The following NLGN4X variants were observed in gnomAD, a reference collection of about 807,000 sequenced individuals.
NLGN4X encodes the protein neuroligin 4 X-linked, also known as neuroligin-4, X-linked.
NLGN4X carries 3 observed loss-of-function variants against 40.3 expected under a neutral mutation model. The ratio of observed to expected loss-of-function variants is 0.07; its 90% CI spans 0.03 to 0.19. The LOEUF is 0.19. Ranked by LOEUF, NLGN4X falls within the 10% of genes least tolerant of loss-of-function variation. NLGN4X has a pLI of 1.00. For missense variants in NLGN4X, 382 were observed against 708.3 expected (o/e 0.54, Z 5.23); for synonymous variants, 270 against 306.8 (o/e 0.88, Z 1.25).
At position 6,058,701 on chromosome X, in the gene NLGN4X, A is replaced by T. The variant is rs2083674686; in HGVS notation, c.473-29269T>A. Among the ~76,000 whole-genome samples, 6 of 112,233 alleles carry T rather than the reference A, an allele frequency of 5.3e-5. No homozygotes were observed. The South Asian group carries it at 2.2e-3, about 41-fold the overall frequency. On this transcript the variant is annotated intron_variant, in intron 2 of 5. Transcript: ENST00000381095. ...CATTAGAGTTTTCCCTGGAATTAAAATCATTAAACATAATTTAAACTGACA... is the reference window on the plus strand; with the variant it reads ...CATTAGAGTTTTCCCTGGAATTAAATTCATTAAACATAATTTAAACTGACA...
At chrX:5,916,554 A>C (rs1052450110) in intron 3 of NLGN4X, among the ~76,000 whole-genome samples, 4 of 110,369 alleles carry the variant, frequency 3.6e-5, no homozygotes, top group African/African-American at 1.3e-4. Context: ...GATTCAAGCG[A>C]CTCTCCTGCC....
At chrX:6,035,692 T>C (rs150119049) in intron 2 of NLGN4X, among the ~76,000 whole-genome samples, 3,958 of 111,207 alleles carry the variant, frequency 0.036, 134 homozygotes, top group African/African-American at 0.11. Context: ...GATCCACTTA[T>C]ATGTGGATTT....
chrX:6,084,749 A>G (rs2038455757), intron 2 of NLGN4X, among the ~76,000 whole-genome samples: 2 of 110,664 alleles, frequency 1.8e-5, no homozygotes, highest in Non-Finnish European at 3.8e-5. Flanking sequence ...AATTATAAAA[A>G]GGGCTTGCAG....
chrX:6,114,923 A>G (rs755278566), intron 2 of NLGN4X, among the ~76,000 whole-genome samples: 1 of 112,305 alleles, frequency 8.9e-6, no homozygotes, highest in East Asian at 2.8e-4. Context: ...AAATCTACAA[A>G]AAATATATCC....
At chrX:5,956,709 G>T (rs1024095737) in intron 3 of NLGN4X, among the ~76,000 whole-genome samples, 5 of 111,671 alleles carry the variant, frequency 4.5e-5, no homozygotes, top group Middle Eastern at 4.2e-3. Flanking sequence ...CAGGGAGGCA[G>T]GAGGAGGGAA....
rs1433107711 is a variant in NLGN4X at position 5,890,690 on chromosome X, C to T, written c.*2127G>A. On this transcript the variant is annotated 3_prime_UTR_variant, in exon 6 of 6. Transcript: ENST00000381095. ...TCGGAATGAAATCTTACCATGACAC[C>T]TCTCTGTAGGAAAGAAATGTTGCTT... The T allele has an allele frequency of 9.4e-6, 3 of 318,777 alleles. No individual in the cohort carries two copies. Among genetic ancestry groups the T allele is most frequent in the African/African-American group, 8.1e-5 (3 of 37,240 alleles). 26.3% of individuals were successfully genotyped at this position (318,777 alleles called of 1,213,427 possible).
At chrX:6,137,073 T>C (rs6654814) in intron 2 of NLGN4X, among the ~76,000 whole-genome samples, 4,146 of 112,268 alleles carry the variant, frequency 0.037, 169 homozygotes, top group African/African-American at 0.12. Flanking sequence ...CAAGAACGCA[T>C]TGTCTCACTG....
chrX:5,960,247 A>G (rs1301513472), intron 3 of NLGN4X, among the ~76,000 whole-genome samples: 1 of 70,331 alleles, frequency 1.4e-5, no homozygotes. Flanking sequence ...AATTAATATG[A>G]TGCCAATTTT....
intron 3 of NLGN4X, among the ~76,000 whole-genome samples, chrX:6,003,194 A>G (rs953757889): frequency 8.9e-6 from 1 of 111,745 alleles, no homozygotes; most frequent in African/African-American, 3.3e-5. Context: ...GAACAAAGAC[A>G]GCACTTGTCT....
At chrX:5,925,022 A>C (rs1280593991) in intron 3 of NLGN4X, among the ~76,000 whole-genome samples, 1 of 111,555 alleles carries the variant, frequency 9.0e-6, no homozygotes, top group African/African-American at 3.3e-5. Flanking sequence ...AAAAAAATTT[A>C]AAGTCCCAAT....
intron 4 of NLGN4X, among the ~76,000 whole-genome samples, chrX:5,904,544 T>C (rs751784183): frequency 2.8e-4 from 31 of 112,416 alleles, no homozygotes; most frequent in Non-Finnish European, 4.9e-4. Context: ...AACTCAGAGA[T>C]GTGTATATTT....
chrX:6,111,561 A>AT (rs2039149508), intron 2 of NLGN4X, among the ~76,000 whole-genome samples: 1 of 111,303 alleles, frequency 9.0e-6, no homozygotes, highest in Non-Finnish European at 1.9e-5. Flanking sequence ...CAACGTAGTG[A>AT]GTCCTCATCG....
At chrX:6,166,032 A>C (rs957816901) in intron 1 of NLGN4X, among the ~76,000 whole-genome samples, 1 of 111,924 alleles carries the variant, frequency 8.9e-6, no homozygotes, top group Non-Finnish European at 1.9e-5. Context: ...AAGTAATTAC[A>C]TCTTTAGTTT....
chrX:6,148,873 C>T (rs1486649888), intron 2 of NLGN4X, among the ~76,000 whole-genome samples: 2 of 111,773 alleles, frequency 1.8e-5, no homozygotes, highest in Non-Finnish European at 3.8e-5. Context: ...AATAAAAACT[C>T]CTAACCCAAT....
At chrX:6,057,140 A>G (rs1167446722) in intron 2 of NLGN4X, among the ~76,000 whole-genome samples, 1 of 112,388 alleles carries the variant, frequency 8.9e-6, no homozygotes, top group Non-Finnish European at 1.9e-5. Context: ...TATTGTCACA[A>G]GATCACATTT....
chrX:6,006,734 T>A (rs2036112146), intron 3 of NLGN4X, among the ~76,000 whole-genome samples: 1 of 111,800 alleles, frequency 8.9e-6, no homozygotes, highest in Non-Finnish European at 1.9e-5. Flanking sequence ...TTAAAAGTCA[T>A]CATTTTTAAG....
chrX:6,208,636 T>C (rs1466542151), intron 1 of NLGN4X, among the ~76,000 whole-genome samples: 3 of 111,954 alleles, frequency 2.7e-5, no homozygotes, highest in African/African-American at 9.7e-5. Context: ...TACACCTCAT[T>C]TCATAACAGA....
rs751505756 is a variant in NLGN4X at position 5,901,058 on chromosome X, C to G, written c.1601+2019G>C. Reference sequence around the variant, plus strand: ...CCCTCCTCTCTTCTCCTCTGGGTAGCCTTTCTCAGACCAAATCTACAAAGT... The same window carrying G: ...CCCTCCTCTCTTCTCCTCTGGGTAGGCTTTCTCAGACCAAATCTACAAAGT... On this transcript the variant is annotated intron_variant, in intron 5 of 5. Transcript: ENST00000381095. Among the ~76,000 whole-genome samples, 5 of 112,282 alleles carry G rather than the reference C, an allele frequency of 4.5e-5. No homozygotes were observed. The South Asian group carries it at 1.9e-3, about 42-fold the overall frequency.
At chrX:5,947,662 G>T (rs2034172956) in intron 3 of NLGN4X, among the ~76,000 whole-genome samples, 1 of 111,870 alleles carries the variant, frequency 8.9e-6, no homozygotes, top group African/African-American at 3.2e-5. Context: ...GGTAACAGAG[G>T]ATCTGTGCCT....
Sources: gnomAD v4.1 joint callset for allele counts (sites outside exome capture counted in the v4.1 genomes callset) on GRCh38, gnomAD v4.1.1 for gene constraint, MANE v1.5 for transcripts, NCBI Gene and HGNC (gene_info 2026-07-23, HGNC 2026-07-21) for gene names.